The following TCERG1L variants were observed in gnomAD, a reference collection of about 807,000 sequenced individuals.
TCERG1L encodes transcription elongation regulator 1 like.
A neutral mutation model predicts 56.3 loss-of-function variants in TCERG1L; 37 were observed. That is an observed-to-expected ratio of 0.66 (90% CI 0.51 to 0.87). The LOEUF (loss-of-function observed/expected upper bound fraction) is 0.87, where lower values mean the gene tolerates loss of function less well. Ranked by LOEUF, TCERG1L falls within the 40% of genes least tolerant of loss-of-function variation. TCERG1L has a pLI of 0.00. For synonymous variants in TCERG1L, 324 were observed against 326.3 expected (o/e 0.99, Z 0.08); for missense variants, 799 against 774.2 (o/e 1.03, Z -0.38).
chr10:131,110,866 G>A (rs1158695599), intron 9 of TCERG1L, among the ~76,000 whole-genome samples: 1 of 99,708 alleles, frequency 1.0e-5, no homozygotes, highest in Admixed American at 9.2e-5. Flanking sequence ...AGTCCTGGAG[G>A]TGCCCCATGC....
At position 131,260,072 on chromosome 10, in the gene TCERG1L, G is replaced by C. The variant is rs1846218735; in HGVS notation, c.856+187C>G. On this transcript the variant is annotated intron_variant, in intron 4 of 11. Coordinates refer to ENST00000368642, the MANE Select transcript of TCERG1L (RefSeq NM_174937.4). The surrounding 1 kb of genome is among the most constrained non-coding windows in gnomAD (Gnocchi z 5.8). ...GTGGACCTGACAAGGTGGCTCAGTG[G>C]AGTCGGGTCGATTTGCAGGGTCCGA... Among the ~76,000 whole-genome samples, 1 of 152,366 alleles carries C rather than the reference G, an allele frequency of 6.6e-6. No homozygotes were observed. Among genetic ancestry groups the C allele is most frequent in the Non-Finnish European group, 1.5e-5 (1 of 68,040 alleles).
rs527936047 is a variant in TCERG1L at position 131,147,422 on chromosome 10, ACT to A, written c.1035-764_1035-763del. 1.7e-3 allele frequency among the ~76,000 whole-genome samples: 262 copies of A among 152,216 alleles called. 4 individuals carry two copies. The highest frequency in any genetic ancestry group is 5.8e-3 in the African/African-American group (243 of 41,540). ...CCTGCGGCATGGAGGTGCACGGGAGACTCTGCACTCTGACACTCTGACCCCGC... is the reference window on the plus strand; with the variant it reads ...CCTGCGGCATGGAGGTGCACGGGAGACTGCACTCTGACACTCTGACCCCGC... On this transcript the variant is annotated intron_variant, in intron 6 of 11. Coordinates refer to ENST00000368642, the MANE Select transcript of TCERG1L (RefSeq NM_174937.4).
chr10:131,219,797 C>T (rs534687520), intron 4 of TCERG1L, among the ~76,000 whole-genome samples: 32 of 152,194 alleles, frequency 2.1e-4, no homozygotes, highest in Non-Finnish European at 3.4e-4. Context: ...GAGCTGTTTA[C>T]AGTACAACAG....
At chr10:131,278,837 T>C (rs1032020768) in intron 3 of TCERG1L, among the ~76,000 whole-genome samples, 2 of 152,258 alleles carry the variant, frequency 1.3e-5, no homozygotes, top group East Asian at 3.9e-4. Flanking sequence ...CTCCCTCCCA[T>C]GGGAGCTCTC....
At chr10:131,146,192 G>C (rs939201565) in intron 7 of TCERG1L, among the ~76,000 whole-genome samples, 2 of 152,172 alleles carry the variant, frequency 1.3e-5, no homozygotes, top group African/African-American at 4.8e-5. Flanking sequence ...AAGACATTTG[G>C]AACAAGAATA....
intron 4 of TCERG1L, among the ~76,000 whole-genome samples, chr10:131,183,497 C>T (rs368860468): frequency 2.0e-5 from 3 of 152,190 alleles, no homozygotes; most frequent in African/African-American, 7.2e-5. Context: ...ATTTGCAGAT[C>T]TGACCTGGGG....
intron 9 of TCERG1L, among the ~76,000 whole-genome samples, chr10:131,107,843 G>T (rs555200988): frequency 6.6e-6 from 1 of 151,980 alleles, no homozygotes; most frequent in Non-Finnish European, 1.5e-5. Context: ...CCCAGGACAC[G>T]CTAAGATATA....
At position 131,268,000 on chromosome 10, in the gene TCERG1L, C is replaced by A. The variant is rs977634441; in HGVS notation, c.671-7556G>T. Among the ~76,000 whole-genome samples the A allele has an allele frequency of 6.6e-6, 1 of 152,192 alleles. No individual in the cohort carries two copies. Among genetic ancestry groups the A allele is most frequent in the African/African-American group, 2.4e-5 (1 of 41,456 alleles). On this transcript the variant is annotated intron_variant, in intron 3 of 11. Transcript: ENST00000368642. This position sits in a 1 kb window ranked among gnomAD's most constrained non-coding sequence, Gnocchi z 4.9. ...GGGAGCGAATTGCAGGCCCTGGGCC[C>A]AGCTGCCAGGAGTGCCAGGCTCAGC... is the stretch of plus-strand genomic sequence containing the variant.
At chr10:131,206,296 G>C (rs1005354397) in intron 4 of TCERG1L, among the ~76,000 whole-genome samples, 2 of 152,196 alleles carry the variant, frequency 1.3e-5, no homozygotes, top group Admixed American at 6.5e-5. Context: ...TCAGGGCACT[G>C]GGCAGGGAGG....
intron 3 of TCERG1L, among the ~76,000 whole-genome samples, chr10:131,265,881 CA>C (rs1479546704): frequency 6.6e-6 from 1 of 152,196 alleles, no homozygotes; most frequent in Non-Finnish European, 1.5e-5. Context: ...GCCAATTTCA[CA>C]AAAGAAGACA....
intron 4 of TCERG1L, among the ~76,000 whole-genome samples, chr10:131,238,713 G>C (rs1022143733): frequency 1.3e-5 from 2 of 152,198 alleles, no homozygotes; most frequent in Non-Finnish European, 2.9e-5. Flanking sequence ...GATGGTCTCG[G>C]GCTGGAAATG....
intron 4 of TCERG1L, among the ~76,000 whole-genome samples, chr10:131,215,199 A>G (rs1433797112): frequency 6.6e-6 from 1 of 152,180 alleles, no homozygotes; most frequent in Non-Finnish European, 1.5e-5. Context: ...CCTCCAGACT[A>G]TAAGTTATCC....
rs1168644198 is a variant in TCERG1L at position 131,113,809 on chromosome 10, G to C, written c.1395+2990C>G. On this transcript the variant is annotated intron_variant, in intron 9 of 11. Transcript: ENST00000368642. ...AAAAGGACTTTCTCTCCTGGCCCCT[G>C]GGTGAGCATCACCTGCTTGTGAGAG... 1.4e-5 allele frequency among the ~76,000 whole-genome samples: 2 copies of C among 141,978 alleles called. 1 individual carries two copies. The highest frequency in any genetic ancestry group is 5.0e-5 in the African/African-American group (2 of 40,280). The allele number at this position is 141,978 out of a possible 152,430, so 93.1% of individuals were successfully genotyped here.
intron 4 of TCERG1L, among the ~76,000 whole-genome samples, chr10:131,258,367 C>T (rs1478530526): frequency 6.6e-6 from 1 of 152,244 alleles, no homozygotes; most frequent in African/African-American, 2.4e-5. Context: ...TCTTCATGGG[C>T]ATGACAGCCT....
chr10:131,289,552 G>A (rs544988144), intron 3 of TCERG1L, among the ~76,000 whole-genome samples: 1 of 31,092 alleles, frequency 3.2e-5, no homozygotes, highest in South Asian at 1.0e-3. Flanking sequence ...TGTGTGCACC[G>A]CTGTGTGTGA....
intron 8 of TCERG1L, among the ~76,000 whole-genome samples, chr10:131,120,196 C>T (rs1257956708): frequency 2.0e-5 from 3 of 152,090 alleles, no homozygotes; most frequent in Non-Finnish European, 4.4e-5. Context: ...CGCATGCGTG[C>T]ATCTGTCCCA....
At chr10:131,254,153 A>G (rs533883893) in intron 4 of TCERG1L, among the ~76,000 whole-genome samples, 2 of 151,994 alleles carry the variant, frequency 1.3e-5, no homozygotes, top group South Asian at 4.2e-4. Flanking sequence ...CCCTGGCCTC[A>G]CAGACTGGGA....
At chr10:131,166,914 A>G in intron 4 of TCERG1L, 29 bp from the exon 5 acceptor site, 3 of 1,587,028 alleles carry the variant, frequency 1.9e-6, no homozygotes, top group Non-Finnish European at 2.6e-6. Context: ...TGTCATTAAC[A>G]TTTCATTTGT....
In TCERG1L at chr10:131,267,766, G is replaced by C. The variant is rs1846301327; in HGVS notation, c.671-7322C>G. On this transcript the variant is annotated intron_variant, in intron 3 of 11. Transcript: ENST00000368642. This position sits in a 1 kb window ranked among gnomAD's most constrained non-coding sequence, Gnocchi z 4.9. ...GGCTGCCTTGGGGACATGGGGCACA[G>C]GGAACCCCACTGCTGCTCCCACCAC... Among the ~76,000 whole-genome samples, 1 of 152,230 alleles carries C rather than the reference G, an allele frequency of 6.6e-6. No individual in the cohort carries two copies. Among genetic ancestry groups the C allele is most frequent in the South Asian group, 2.1e-4 (1 of 4,836 alleles).
Sources: gnomAD v4.1 joint callset for allele counts (sites outside exome capture counted in the v4.1 genomes callset) on GRCh38, gnomAD v4.1.1 for gene constraint, Gnocchi (gnomAD v3.1) non-coding constraint, MANE v1.5 for transcripts, NCBI Gene and HGNC (gene_info 2026-07-23, HGNC 2026-07-21) for gene names.